The following ARHGEF10 variants were observed in gnomAD, a reference collection of about 807,000 sequenced individuals.
ARHGEF10 encodes Rho guanine nucleotide exchange factor 10, also known as Rho guanine nucleotide exchange factor (GEF) 10.
In ARHGEF10, 140 loss-of-function variants were observed where a neutral mutation model predicts 147.4. That is an observed-to-expected ratio of 0.95 (90% CI 0.83 to 1.09). The LOEUF (loss-of-function observed/expected upper bound fraction) is 1.09, where lower values mean the gene tolerates loss of function less well. Ranked by LOEUF, ARHGEF10 falls within the 50% of genes least tolerant of loss-of-function variation. ARHGEF10 has a pLI of 0.00. For synonymous variants in ARHGEF10, 902 were observed against 695.8 expected (o/e 1.30, Z -4.67); for missense variants, 2,222 against 1,752.7 (o/e 1.27, Z -4.78).
At chr8:1,870,232 GATTTTTTTT>G (rs1806995170) in intron 7 of ARHGEF10, 1 of 107,272 alleles carries the variant, frequency 9.3e-6, no homozygotes, top group East Asian at 3.0e-4. Context: ...TCTTGTTACC[GATTTTTTTT>G]TTTTTTTTTT....
intron 24 of ARHGEF10, 147 bp downstream of exon 24, chr8:1,928,797 T>C: frequency 1.2e-6 from 1 of 839,424 alleles, no homozygotes; most frequent in East Asian, 2.6e-5. Flanking sequence ...ATTTTTAGGG[T>C]CATTGCACTT....
chr8:1,861,155 TC>T (rs1806098722), intron 4 of ARHGEF10, among the ~76,000 whole-genome samples: 2 of 152,238 alleles, frequency 1.3e-5, no homozygotes, highest in African/African-American at 2.4e-5. Flanking sequence ...CGAGTCTGCT[TC>T]CTCCTCCACT....
At chr8:1,916,768 CT>C (rs1377808193) in intron 18 of ARHGEF10, among the ~76,000 whole-genome samples, 1 of 152,162 alleles carries the variant, frequency 6.6e-6, no homozygotes, top group African/African-American at 2.4e-5. Context: ...AAAAATTACC[CT>C]CTTTCTCCTG....
At chr8:1,920,103 A>G (rs1049193248) in intron 18 of ARHGEF10, among the ~76,000 whole-genome samples, 1 of 151,910 alleles carries the variant, frequency 6.6e-6, no homozygotes, top group Non-Finnish European at 1.5e-5. Flanking sequence ...TGGGTGATGG[A>G]GCTGTTCTGT....
chr8:1,933,714 G>T (rs998585507), intron 25 of ARHGEF10, 86 bp from the exon 26 acceptor site: 1 of 1,512,600 alleles, frequency 6.6e-7, no homozygotes, highest in Non-Finnish European at 9.2e-7. Flanking sequence ...TCGGGTGTCA[G>T]TTACTTAAAA....
intron 26 of ARHGEF10, among the ~76,000 whole-genome samples, chr8:1,938,530 G>T (rs1178527767): frequency 6.6e-6 from 1 of 152,200 alleles, no homozygotes; most frequent in Non-Finnish European, 1.5e-5. Flanking sequence ...TAAAATAGGC[G>T]AGATATTAAA....
chr8:1,918,878 G>A (rs968809246), intron 18 of ARHGEF10, among the ~76,000 whole-genome samples: 6 of 151,178 alleles, frequency 4.0e-5, no homozygotes, highest in Non-Finnish European at 5.9e-5. Context: ...GAGCTGCTTT[G>A]TGGGTGATGG....
At chr8:1,908,938 GA>G (rs1454144889) in intron 17 of ARHGEF10, among the ~76,000 whole-genome samples, 1 of 152,216 alleles carries the variant, frequency 6.6e-6, no homozygotes, top group Non-Finnish European at 1.5e-5. Context: ...GAAACCGCCA[GA>G]GAATATCTCT....
chr8:1,838,508 TG>T (rs1301929280), intron 1 of ARHGEF10, among the ~76,000 whole-genome samples: 8 of 152,268 alleles, frequency 5.3e-5, no homozygotes, highest in Non-Finnish European at 1.0e-4. Context: ...CTGGTCCTGC[TG>T]CTGTGTGCAC....
At chr8:1,881,572 G>GACGTGATGTTAACGCCGTC (rs1808199361) in intron 9 of ARHGEF10, among the ~76,000 whole-genome samples, 1 of 152,170 alleles carries the variant, frequency 6.6e-6, no homozygotes, top group Non-Finnish European at 1.5e-5. Context: ...AGCCCCCGGG[G>GACGTGATGTTAACGCCGTC]GATGGGGGAC....
At chr8:1,892,667 CGCACGTGTGT>C in intron 11 of ARHGEF10, among the ~76,000 whole-genome samples, 1 of 143,152 alleles carries the variant, frequency 7.0e-6, no homozygotes, top group East Asian at 2.1e-4. Context: ...CTTCCGTGCG[CGCACGTGTGT>C]GTTATCTTGC....
At position 1,898,892 on chromosome 8, in the gene ARHGEF10, T is replaced by C. The variant is rs578163780; in HGVS notation, c.1650+367T>C. Among the ~76,000 whole-genome samples, 3 of 152,322 alleles carry C rather than the reference T, an allele frequency of 2.0e-5. No homozygotes were observed. In the East Asian group the frequency reaches 5.8e-4, roughly 30 times the overall value. On this transcript the variant is annotated intron_variant, in intron 15 of 28. Coordinates refer to ENST00000349830, the MANE Select transcript of ARHGEF10 (RefSeq NM_014629.4). ...TCACAGCTCCCTTCTCCAGTGTGTC[T>C]GTGTCTGGTCTAGGATCACATGAAA...
intron 2 of ARHGEF10, among the ~76,000 whole-genome samples, chr8:1,851,321 C>T (rs1038397874): frequency 6.7e-6 from 1 of 148,410 alleles, no homozygotes; most frequent in African/African-American, 2.5e-5. Context: ...GGCACAGCAC[C>T]AGGAGCGAGG....
intron 26 of ARHGEF10, among the ~76,000 whole-genome samples, chr8:1,943,288 G>A (rs1471110433): frequency 1.3e-5 from 2 of 152,308 alleles, no homozygotes; most frequent in Admixed American, 6.5e-5. Context: ...AATGACAGAA[G>A]CCAGGAGAGA....
chr8:1,925,175 G>A (rs2129216522), intron 21 of ARHGEF10, 108 bp from the exon 22 acceptor site: 1 of 1,402,228 alleles, frequency 7.1e-7, no homozygotes, highest in Admixed American at 1.8e-5. Context: ...GTCTGGCCCT[G>A]TACAAACAGA....
intron 11 of ARHGEF10, among the ~76,000 whole-genome samples, chr8:1,888,490 G>A (rs1190856790): frequency 3.5e-5 from 5 of 142,060 alleles, no homozygotes; most frequent in Admixed American, 3.4e-4. Flanking sequence ...ACTGAGTGGG[G>A]TAAGAAGTCT....
intron 4 of ARHGEF10, among the ~76,000 whole-genome samples, chr8:1,863,426 C>T (rs1186554524): frequency 2.0e-5 from 3 of 152,214 alleles, no homozygotes; most frequent in African/African-American, 4.8e-5. Flanking sequence ...GGTTTGAAAA[C>T]GGTTGAGAAC....
At chr8:1,896,574 G>T in intron 14 of ARHGEF10, 125 bp downstream of exon 14, 1 of 756,644 alleles carries the variant, frequency 1.3e-6, no homozygotes, top group Non-Finnish European at 2.3e-6. Flanking sequence ...CTAGATATTG[G>T]ATTAATGCTA....
intron 8 of ARHGEF10, among the ~76,000 whole-genome samples, chr8:1,879,829 A>G (rs1358846065): frequency 6.6e-6 from 1 of 152,112 alleles, no homozygotes; most frequent in Non-Finnish European, 1.5e-5. Context: ...CTGGGATTAC[A>G]GGGGTGAGCC....
Sources: allele counts gnomAD v4.1 joint callset (sites outside exome capture counted in the v4.1 genomes callset), GRCh38; gene constraint gnomAD v4.1.1; transcripts MANE v1.5; gene names NCBI Gene and HGNC (gene_info 2026-07-23, HGNC 2026-07-21).